PGAP4: variants seen among roughly 807,000 people sequenced by gnomAD.
PGAP4 encodes post-GPI attachment to proteins GalNAc transferase 4.
Under a neutral mutation model 28.2 loss-of-function variants are expected in PGAP4, and 12 were observed. The observed-to-expected ratio is 0.42, with a 90% CI of 0.27 to 0.69. The LOEUF (loss-of-function observed/expected upper bound fraction) is 0.69, where lower values mean the gene tolerates loss of function less well. Ranked by LOEUF, PGAP4 falls within the 30% of genes least tolerant of loss-of-function variation. The pLI, the probability that PGAP4 is intolerant of heterozygous loss-of-function variation, is 0.22. For missense variants in PGAP4, 425 were observed against 513.5 expected (o/e 0.83, Z 1.67); for synonymous variants, 205 against 211.8 (o/e 0.97, Z 0.28).
At chr9:101,511,382 G>A (rs545795492) in intron 2 of PGAP4, among the ~76,000 whole-genome samples, 4 of 152,266 alleles carry the variant, frequency 2.6e-5, no homozygotes, top group Admixed American at 2.6e-4. Flanking sequence ...TTAAGCAGGG[G>A]TTGGGGATCC....
At position 101,474,623 on chromosome 9, in the gene PGAP4, T is replaced by C. The variant is rs983778196; in HGVS notation, c.*1258A>G. 1.3e-5 allele frequency: 2 copies of C among 152,216 alleles called. No homozygotes were observed. The highest frequency in any genetic ancestry group is 2.9e-5 in the Non-Finnish European group (2 of 68,034). 9.4% of individuals were successfully genotyped at this position (152,216 alleles called of 1,614,324 possible). A position where few individuals can be genotyped will look rare whatever the true frequency, so the allele number is the denominator to read the frequency against. ...GAGGTCACAATGAAAAGTCAGTCTT[T>C]ATTCTAGCAGGGCTTGGTCATCTGG... On this transcript the variant is annotated 3_prime_UTR_variant, in exon 2 of 2. Transcript: ENST00000374848.
At chr9:101,500,058 T>C (rs1246614534) in intron 2 of PGAP4, among the ~76,000 whole-genome samples, 2 of 152,044 alleles carry the variant, frequency 1.3e-5, no homozygotes, top group African/African-American at 2.4e-5. Flanking sequence ...AAAAGTTTAG[T>C]TCAAGATCAA....
Position 101,530,386 on chromosome 9 carries a change from G to GA in PGAP4, c.-165+961dup, listed in dbSNP as rs929374750. Among the ~76,000 whole-genome samples the GA allele has an allele frequency of 2.7e-4, 41 of 149,170 alleles. 1 individual carries two copies. The highest frequency in any genetic ancestry group is 2.7e-3 in the South Asian group (13 of 4,746). On this transcript the variant is annotated intron_variant, in intron 2 of 3. Transcript: ENST00000374851. ...ACAAATACTCATTAAGTCATCATTT[G>GA]AAAAAAAAAATCACTTAAAATCTGA...
Position 101,506,304 on chromosome 9 carries a change from A to G in PGAP4, c.-164-17104T>C, listed in dbSNP as rs908373962. ...GGTAGACACTCGAGGCACTCTTTTTACTTTACACCCCACTTTTACAAGATA... is the reference window on the plus strand; with the variant it reads ...GGTAGACACTCGAGGCACTCTTTTTGCTTTACACCCCACTTTTACAAGATA... On this transcript the variant is annotated intron_variant, in intron 2 of 3. Coordinates refer to the PGAP4 transcript ENST00000374851. 2.0e-5 allele frequency among the ~76,000 whole-genome samples: 3 copies of G among 152,254 alleles called. No individual in the cohort carries two copies. The South Asian group carries it at 6.2e-4, about 32-fold the overall frequency.
chr9:101,476,761 C>T lies in PGAP4; in HGVS notation c.332G>A (p.Arg111Lys), dbSNP rs764064161. The T allele has an allele frequency of 3.1e-6, 5 of 1,613,526 alleles. No homozygotes were observed. Among genetic ancestry groups the T allele is most frequent in the Non-Finnish European group, 4.2e-6 (5 of 1,179,588 alleles). Reference sequence around the variant, plus strand: ...CAGGACGTAGTGGAAGCCAGGCTGCCTGTCCACAGTGATGATGGTGATCAC... The same window carrying T: ...CAGGACGTAGTGGAAGCCAGGCTGCTTGTCCACAGTGATGATGGTGATCAC... ...WLVITIITVD[R>K]QPGFHYVLQV... The change falls in exon 2 of 2, where the codon AGG becomes AAG. Residue 111 changes from arginine (R) to lysine (K), a missense_variant. Physicochemically the swap from Arg to Lys is conservative, Grantham distance 26. Transcript: ENST00000374848. The surrounding 1 kb of genome is among the most constrained non-coding windows in gnomAD (Gnocchi z 7.0).
chr9:101,492,340 A>G (rs891673409), intron 2 of PGAP4, among the ~76,000 whole-genome samples: 1 of 151,978 alleles, frequency 6.6e-6, no homozygotes, highest in Non-Finnish European at 1.5e-5. Context: ...ACTAAGGCGC[A>G]TACCACCATG....
At chr9:101,510,939 G>A (rs999919192) in intron 2 of PGAP4, among the ~76,000 whole-genome samples, 3 of 152,142 alleles carry the variant, frequency 2.0e-5, no homozygotes, top group Non-Finnish European at 4.4e-5. Context: ...CTCTCTGATA[G>A]GGTTTTGATA....
In PGAP4 at chr9:101,473,236, G is replaced by C. The variant is rs900505865; in HGVS notation, c.*2645C>G. On this transcript the variant is annotated 3_prime_UTR_variant, in exon 2 of 2. Coordinates refer to ENST00000374848, the MANE Select transcript of PGAP4 (RefSeq NM_032342.3). ...ATGCAATACACTCAGTCACAAGAGAGAGCTTCTTAAGCCTGACCATAATTT... is the reference window on the plus strand; with the variant it reads ...ATGCAATACACTCAGTCACAAGAGACAGCTTCTTAAGCCTGACCATAATTT... The C allele has an allele frequency of 6.6e-6, 1 of 152,200 alleles. No homozygotes were observed. The highest frequency in any genetic ancestry group is 1.5e-5 in the Non-Finnish European group (1 of 68,040). 9.4% of individuals were successfully genotyped at this position (152,200 alleles called of 1,614,324 possible).
Position 101,518,261 on chromosome 9 carries a change from C to T in PGAP4, c.-165+13087G>A, listed in dbSNP as rs190540908. 3.9e-5 allele frequency among the ~76,000 whole-genome samples: 6 copies of T among 152,230 alleles called. No individual in the cohort carries two copies. The East Asian group carries it at 9.6e-4, about 24-fold the overall frequency. ...CATATTCCATAGTGTATATGTAGCA[C>T]ATTTTCTTTATCCAGTCCATCGATC... On this transcript the variant is annotated intron_variant, in intron 2 of 3. Transcript: ENST00000374851.
chr9:101,525,207 C>A (rs1827024767), intron 2 of PGAP4, among the ~76,000 whole-genome samples: 1 of 152,174 alleles, frequency 6.6e-6, no homozygotes, highest in Non-Finnish European at 1.5e-5. Flanking sequence ...CTAAAGTAAG[C>A]CCTCTCTTTA....
At chr9:101,478,511 C>T (rs1826391695) in intron 1 of PGAP4, among the ~76,000 whole-genome samples, 1 of 152,226 alleles carries the variant, frequency 6.6e-6, no homozygotes, top group Non-Finnish European at 1.5e-5. Context: ...GCTCTCATAT[C>T]CATGGTCTCC....
At chr9:101,509,354 A>G (rs1826876316) in intron 2 of PGAP4, among the ~76,000 whole-genome samples, 1 of 152,084 alleles carries the variant, frequency 6.6e-6, no homozygotes, top group African/African-American at 2.4e-5. Flanking sequence ...GCCAACTTGA[A>G]CCCAGCTGTT....
At chr9:101,532,633 C>T (rs564661400) in intron 1 of PGAP4, 9 of 152,292 alleles carry the variant, frequency 5.9e-5, no homozygotes, top group African/African-American at 2.2e-4. Context: ...GAATGAGTGT[C>T]ATTGTCTCAT....
intron 2 of PGAP4, among the ~76,000 whole-genome samples, chr9:101,500,890 GA>G (rs1393565308): frequency 1.3e-5 from 2 of 151,966 alleles, no homozygotes; most frequent in South Asian, 4.1e-4. Context: ...TAAAGTTTGG[GA>G]AAAAGTTGAT....
At chr9:101,503,413 A>T (rs1826820319) in intron 2 of PGAP4, among the ~76,000 whole-genome samples, 1 of 152,018 alleles carries the variant, frequency 6.6e-6, no homozygotes, top group Admixed American at 6.6e-5. Flanking sequence ...AATATGGATT[A>T]TGAAGAGGAA....
At chr9:101,516,983 C>T (rs1212556419) in intron 2 of PGAP4, among the ~76,000 whole-genome samples, 2 of 152,148 alleles carry the variant, frequency 1.3e-5, no homozygotes, top group Non-Finnish European at 2.9e-5. Flanking sequence ...CTCTTATTTA[C>T]ATGCTGATTG....
At chr9:101,479,469 T>C (rs547885454) in intron 1 of PGAP4, among the ~76,000 whole-genome samples, 71 of 152,336 alleles carry the variant, frequency 4.7e-4, no homozygotes, top group African/African-American at 1.7e-3. Flanking sequence ...TCACTTACTA[T>C]GATATGTCAG....
intron 2 of PGAP4, among the ~76,000 whole-genome samples, chr9:101,522,945 GT>G (rs1416588747): frequency 6.6e-6 from 1 of 152,126 alleles, no homozygotes; most frequent in Non-Finnish European, 1.5e-5. Flanking sequence ...CTCAGCATTT[GT>G]TTGTCTGAAA....
In PGAP4 at chr9:101,478,961, T is replaced by G. The variant is rs552318063; in HGVS notation, c.-77-1792A>C. ...AATACCAAATGTACAGTGACATGGT[T>G]AATTTCTCAAGTAGAGAAACAAGTT... is the stretch of plus-strand genomic sequence containing the variant. On this transcript the variant is annotated intron_variant, in intron 1 of 1. Coordinates refer to ENST00000374848, the MANE Select transcript of PGAP4 (RefSeq NM_032342.3). Among the ~76,000 whole-genome samples the G allele has an allele frequency of 4.6e-5, 7 of 152,328 alleles. No homozygotes were observed. The East Asian group carries it at 7.7e-4, about 17-fold the overall frequency.
Sources: gnomAD v4.1 joint callset for allele counts (sites outside exome capture counted in the v4.1 genomes callset) on GRCh38, gnomAD v4.1.1 for gene constraint, Gnocchi (gnomAD v3.1) non-coding constraint, MANE v1.5 for transcripts, NCBI Gene and HGNC (gene_info 2026-07-23, HGNC 2026-07-21) for gene names.